Variants in SRGAP1 observed in about 807,000 individuals in gnomAD.
SRGAP1 encodes the protein SLIT-ROBO Rho GTPase activating protein 1, also known as SLIT-ROBO Rho GTPase-activating protein 1.
A neutral mutation model predicts 121.9 loss-of-function variants in SRGAP1; 43 were observed. The ratio of observed to expected loss-of-function variants is 0.35; its 90% CI spans 0.28 to 0.46. The LOEUF is 0.46. SRGAP1 is among the 20% of genes least tolerant of loss of function. The pLI is 1.00. For synonymous variants in SRGAP1, 447 were observed against 485.4 expected (o/e 0.92, Z 1.04); for missense variants, 1,102 against 1,350.9 (o/e 0.82, Z 2.89).
At chr12:63,916,032 C>CTTTTTTTTT (rs140042368) in intron 1 of SRGAP1, among the ~76,000 whole-genome samples, 3 of 125,206 alleles carry the variant, frequency 2.4e-5, no homozygotes, top group Non-Finnish European at 3.2e-5. Flanking sequence ...CTTTTCTTTT[C>CTTTTTTTTT]TTTTTTTTTT....
chr12:64,061,067 T>G (rs1041607665), intron 6 of SRGAP1, among the ~76,000 whole-genome samples: 2 of 152,204 alleles, frequency 1.3e-5, no homozygotes, highest in Admixed American at 6.5e-5. Context: ...TATGTACAAA[T>G]TGAAAATGAA....
At chr12:63,989,772 G>C in intron 2 of SRGAP1, 138 bp from the exon 3 acceptor site, 1 of 615,038 alleles carries the variant, frequency 1.6e-6, no homozygotes, top group Non-Finnish European at 2.8e-6. Flanking sequence ...TAAGTGTCCT[G>C]GTCTGAGAAA....
chr12:63,920,575 A>G (rs1281782197), intron 1 of SRGAP1, among the ~76,000 whole-genome samples: 2 of 152,188 alleles, frequency 1.3e-5, no homozygotes, highest in Non-Finnish European at 2.9e-5. Context: ...TTTTTAAAAT[A>G]TGTTGGCTTC....
intron 1 of SRGAP1, among the ~76,000 whole-genome samples, chr12:63,916,118 T>G (rs1181156846): frequency 6.7e-6 from 1 of 149,118 alleles, no homozygotes; most frequent in Non-Finnish European, 1.5e-5. Flanking sequence ...TTGCAACCTC[T>G]GCCTCCCAGG....
rs2136638205 is a variant in SRGAP1 at position 64,127,742 on chromosome 12, A to G, written c.2540+18A>G. The G allele has an allele frequency of 6.2e-7, 1 of 1,613,482 alleles. No homozygotes were observed. On this transcript the variant is annotated intron_variant, in intron 20 of 21. Transcript: ENST00000355086. Reference sequence around the variant, plus strand: ...TTAGCCAGGTAAGTAGAGCCTGGGAATCAGGCCCCTAAGCCTCCGCTCCTC... The same window carrying G: ...TTAGCCAGGTAAGTAGAGCCTGGGAGTCAGGCCCCTAAGCCTCCGCTCCTC...
In SRGAP1 at chr12:63,969,468, AATGTACTGGCAGC is replaced by A. The variant is rs137915734; in HGVS notation, c.68-14477_68-14465del. 3.5e-3 allele frequency among the ~76,000 whole-genome samples: 531 copies of A among 152,202 alleles called. 15 individuals carry two copies. The East Asian group carries it at 0.085, about 24-fold the overall frequency. ...CCCAAGAGTAAAGTCTGATACCTGG[AATGTACTGGCAGC>A]AAAATGTACTGTTTAAAAATCTGAA... is the stretch of plus-strand genomic sequence containing the variant. On this transcript the variant is annotated intron_variant, in intron 1 of 21. Coordinates refer to ENST00000355086, the MANE Select transcript of SRGAP1 (RefSeq NM_020762.4).
chr12:64,014,238 C>G (rs1235594170), intron 3 of SRGAP1, among the ~76,000 whole-genome samples: 1 of 152,180 alleles, frequency 6.6e-6, no homozygotes, highest in African/African-American at 2.4e-5. Flanking sequence ...TTAGACCTTG[C>G]TTTTAAGCAT....
chr12:63,994,698 C>T (rs1042661611), intron 3 of SRGAP1, among the ~76,000 whole-genome samples: 6 of 152,128 alleles, frequency 3.9e-5, no homozygotes, highest in Non-Finnish European at 5.9e-5. Context: ...TTCTGCTTAG[C>T]TATTTTAAGA....
intron 1 of SRGAP1, among the ~76,000 whole-genome samples, chr12:63,930,989 ATC>A (rs1468578903): frequency 6.6e-6 from 1 of 152,132 alleles, no homozygotes; most frequent in East Asian, 1.9e-4. Context: ...TAATAGCTTA[ATC>A]TCTGTGCATT....
intron 11 of SRGAP1, among the ~76,000 whole-genome samples, 165 bp from the exon 12 acceptor site, chr12:64,091,111 A>G (rs1052669808): frequency 1.3e-5 from 2 of 152,214 alleles, no homozygotes; most frequent in Admixed American, 6.5e-5. Context: ...TTGATACAGA[A>G]GTGAAAGTAA....
chr12:63,916,027 C>A (rs1033217947), intron 1 of SRGAP1, among the ~76,000 whole-genome samples: 2 of 86,330 alleles, frequency 2.3e-5, no homozygotes, highest in African/African-American at 3.9e-5. Flanking sequence ...CTTTTCTTTT[C>A]TTTTCTTTTT....
chr12:64,114,590 A>T (rs2036488541), intron 17 of SRGAP1, among the ~76,000 whole-genome samples: 1 of 152,124 alleles, frequency 6.6e-6, no homozygotes, highest in South Asian at 2.1e-4. Flanking sequence ...ACCTCAGGTG[A>T]TCCACCCACC....
At chr12:64,037,181 A>G (rs1426331271) in intron 4 of SRGAP1, among the ~76,000 whole-genome samples, 1 of 152,174 alleles carries the variant, frequency 6.6e-6, no homozygotes, top group Admixed American at 6.5e-5. Context: ...GCTTGGGAGA[A>G]GCTGCAGAGG....
Position 64,040,370 on chromosome 12 carries a change from G to A in SRGAP1, c.490-2420G>A, listed in dbSNP as rs372050835. 2.9e-4 allele frequency among the ~76,000 whole-genome samples: 44 copies of A among 152,204 alleles called. No individual in the cohort carries two copies. The South Asian group carries it at 5.8e-3, about 20-fold the overall frequency. ...AGTTATAAAATTGGCTCTGAGTAACGTGGTTATTTCCATATGAAATGAAGT... is the reference window on the plus strand; with the variant it reads ...AGTTATAAAATTGGCTCTGAGTAACATGGTTATTTCCATATGAAATGAAGT... On this transcript the variant is annotated intron_variant, in intron 4 of 21. Transcript: ENST00000355086.
intron 6 of SRGAP1, among the ~76,000 whole-genome samples, chr12:64,056,965 T>C (rs551972881): frequency 6.6e-6 from 1 of 152,332 alleles, no homozygotes; most frequent in East Asian, 1.9e-4. Context: ...ATCTGGCCTG[T>C]ATTTAATTGG....
At chr12:63,848,308 G>A (rs749065306) in intron 1 of SRGAP1, among the ~76,000 whole-genome samples, 15 of 151,996 alleles carry the variant, frequency 9.9e-5, no homozygotes, top group South Asian at 4.2e-4. Flanking sequence ...CACTGCACCC[G>A]GCCCAGATAT....
At chr12:64,091,869 C>A in intron 12 of SRGAP1, 1 of 1,533,400 alleles carries the variant, frequency 6.5e-7, no homozygotes, top group Non-Finnish European at 8.7e-7. Context: ...CTTTTTCATC[C>A]TGTATTTCTG....
At chr12:64,128,248 T>C (rs752324343) in intron 21 of SRGAP1, 48 bp downstream of exon 21, 1 of 1,472,682 alleles carries the variant, frequency 6.8e-7, no homozygotes, top group Non-Finnish European at 9.2e-7. Flanking sequence ...CTAAGTGTGA[T>C]GTAGGAGGTG....
In SRGAP1 at chr12:64,146,711, G is replaced by A. The variant is rs2136660120; in HGVS notation, c.*4039G>A. 1 of 152,052 alleles carries A rather than the reference G, an allele frequency of 6.6e-6. No homozygotes were observed. Among genetic ancestry groups the A allele is most frequent in the East Asian group, 1.9e-4 (1 of 5,192 alleles). The allele number at this position is 152,052 out of a possible 1,614,324, so 9.4% of individuals were successfully genotyped here. A position where few individuals can be genotyped will look rare whatever the true frequency, so the allele number is the denominator to read the frequency against. ...AGAGCAGCTTAGAAGTCTCTACCCA[G>A]GCGTAAATAGAGCTCCCTACTCCAG... is the stretch of plus-strand genomic sequence containing the variant. On this transcript the variant is annotated 3_prime_UTR_variant, in exon 22 of 22. Transcript: ENST00000355086.
Sources: allele counts gnomAD v4.1 joint callset (sites outside exome capture counted in the v4.1 genomes callset), GRCh38; gene constraint gnomAD v4.1.1; transcripts MANE v1.5; gene names NCBI Gene and HGNC (gene_info 2026-07-23, HGNC 2026-07-21).